The following DLG1 variants were observed in gnomAD, a reference collection of about 807,000 sequenced individuals.
DLG1 encodes disks large homolog 1.
Under a neutral mutation model 123.4 loss-of-function variants are expected in DLG1, and 42 were observed. The ratio of observed to expected loss-of-function variants is 0.34; its 90% CI spans 0.27 to 0.44. The LOEUF is 0.44. Among genes scored for constraint, DLG1 ranks in the 20% least tolerant of loss-of-function variants. The pLI is 1.00. For synonymous variants in DLG1, 317 were observed against 356.2 expected (o/e 0.89, Z 1.24); for missense variants, 942 against 1,082.6 (o/e 0.87, Z 1.82).
chr3:197,076,775 C>T, intron 17 of DLG1, 90 bp from the exon 18 acceptor site: 3 of 817,958 alleles, frequency 3.7e-6, no homozygotes, highest in African/African-American at 1.7e-5. Flanking sequence ...AAGCTGACTC[C>T]TATGACCACA....
intron 4 of DLG1, among the ~76,000 whole-genome samples, chr3:197,216,062 G>C (rs1448678282): frequency 6.6e-6 from 1 of 152,188 alleles, no homozygotes; most frequent in Non-Finnish European, 1.5e-5. Flanking sequence ...TTATGGGGCA[G>C]AGGGTGGTAA....
At chr3:197,168,556 G>T (rs1802525733) in intron 5 of DLG1, among the ~76,000 whole-genome samples, 1 of 152,180 alleles carries the variant, frequency 6.6e-6, no homozygotes, top group Admixed American at 6.5e-5. Context: ...TTCTAAATTA[G>T]AAAATGTCAA....
At chr3:197,276,347 G>A (rs980603501) in intron 4 of DLG1, among the ~76,000 whole-genome samples, 4 of 152,178 alleles carry the variant, frequency 2.6e-5, no homozygotes, top group African/African-American at 9.7e-5. Flanking sequence ...TGGATCAAAC[G>A]ATACGAATAT....
At chr3:197,208,148 A>T (rs2150378597) in intron 4 of DLG1, among the ~76,000 whole-genome samples, 1 of 146,658 alleles carries the variant, frequency 6.8e-6, no homozygotes, top group South Asian at 2.5e-4. Context: ...ACATATACAA[A>T]AATATGTTTA....
chr3:197,056,675 A>G (rs1731886121), intron 23 of DLG1, among the ~76,000 whole-genome samples: 1 of 152,138 alleles, frequency 6.6e-6, no homozygotes, highest in African/African-American at 2.4e-5. Context: ...TCTGAAGTAT[A>G]TGTTTCAAAC....
intron 5 of DLG1, among the ~76,000 whole-genome samples, chr3:197,161,431 G>A (rs1039973945): frequency 6.6e-6 from 1 of 152,106 alleles, no homozygotes; most frequent in Non-Finnish European, 1.5e-5. Context: ...AGTTCATTGT[G>A]TCCCATTTCA....
chr3:197,259,931 T>C (rs985932549), intron 4 of DLG1, among the ~76,000 whole-genome samples: 1 of 152,196 alleles, frequency 6.6e-6, no homozygotes, highest in Non-Finnish European at 1.5e-5. Context: ...TAGCATGGCA[T>C]GTTGGGACAC....
chr3:197,258,684 G>C (rs965825863), intron 4 of DLG1, among the ~76,000 whole-genome samples: 4 of 152,128 alleles, frequency 2.6e-5, no homozygotes, highest in Non-Finnish European at 4.4e-5. Flanking sequence ...AGCTCTCTAA[G>C]ACCAGAAAAG....
chr3:197,296,953 T>TGGG (rs57644562), intron 2 of DLG1: 61,433 of 495,860 alleles, frequency 0.12, 2,233 homozygotes, highest in East Asian at 0.29. Flanking sequence ...GGACATCTGT[T>TGGG]GGGGGGGGGC....
chr3:197,044,577 A>C lies in DLG1; in HGVS notation c.*46T>G. 1 of 1,402,094 alleles carries C rather than the reference A, an allele frequency of 7.1e-7. No homozygotes were observed. The highest frequency in any genetic ancestry group is 1.0e-6 in the Non-Finnish European group (1 of 994,648). The allele number at this position is 1,402,094 out of a possible 1,614,324, so 86.9% of individuals were successfully genotyped here. On this transcript the variant is annotated 3_prime_UTR_variant, in exon 25 of 25. Transcript: ENST00000667157. ...CCAGAGGAAAGGGCAAAGAGATGCC[A>C]AAGAAAATGGAATTGTGGAAAAGAG...
chr3:197,059,036 C>T (rs1387703801), intron 23 of DLG1, among the ~76,000 whole-genome samples: 5 of 152,230 alleles, frequency 3.3e-5, no homozygotes, highest in Non-Finnish European at 7.3e-5. Context: ...CGCCATTCTC[C>T]TGCCTCAGCA....
At chr3:197,175,572 T>C (rs559847912) in intron 5 of DLG1, among the ~76,000 whole-genome samples, 1 of 152,326 alleles carries the variant, frequency 6.6e-6, no homozygotes, top group African/African-American at 2.4e-5. Context: ...CAACAATATT[T>C]AGAAGTTCCA....
intron 4 of DLG1, among the ~76,000 whole-genome samples, chr3:197,214,369 T>C (rs977634563): frequency 1.3e-5 from 2 of 151,882 alleles, no homozygotes; most frequent in South Asian, 2.1e-4. Flanking sequence ...GGTCAGGAGA[T>C]TGAGACCAGC....
intron 4 of DLG1, among the ~76,000 whole-genome samples, chr3:197,267,889 GATAAA>G (rs1246414000): frequency 4.6e-5 from 7 of 152,000 alleles, no homozygotes; most frequent in African/African-American, 1.7e-4. Context: ...ATATTTACAG[GATAAA>G]ATAAAGAGGG....
intron 14 of DLG1, among the ~76,000 whole-genome samples, chr3:197,095,423 C>T (rs1487542425): frequency 6.6e-6 from 1 of 151,996 alleles, no homozygotes; most frequent in Non-Finnish European, 1.5e-5. Flanking sequence ...TCGGTGTTTC[C>T]TTGACTTTGT....
chr3:197,168,801 C>T (rs994320193), intron 5 of DLG1, among the ~76,000 whole-genome samples: 8 of 152,148 alleles, frequency 5.3e-5, no homozygotes, highest in African/African-American at 1.2e-4. Context: ...TGACTAGCAA[C>T]GGTCTCAGTT....
intron 4 of DLG1, among the ~76,000 whole-genome samples, chr3:197,229,842 A>G (rs560860637): frequency 6.6e-6 from 1 of 152,216 alleles, no homozygotes; most frequent in Non-Finnish European, 1.5e-5. Flanking sequence ...ACATGTAATT[A>G]CCTTACTTAA....
intron 13 of DLG1, among the ~76,000 whole-genome samples, chr3:197,107,670 T>C (rs1018432446): frequency 2.6e-5 from 4 of 152,316 alleles, no homozygotes; most frequent in South Asian, 4.1e-4. Context: ...AATGTTTTCT[T>C]TGTCTATCCT....
intron 6 of DLG1, among the ~76,000 whole-genome samples, chr3:197,147,973 C>T (rs936526711): frequency 2.6e-5 from 4 of 151,008 alleles, no homozygotes; most frequent in African/African-American, 9.7e-5. Context: ...ACATAACTAC[C>T]AGAGGTAATA....
Sources: allele counts gnomAD v4.1 joint callset (sites outside exome capture counted in the v4.1 genomes callset), GRCh38; gene constraint gnomAD v4.1.1; transcripts MANE v1.5; gene names NCBI Gene and HGNC (gene_info 2026-07-23, HGNC 2026-07-21).